SLC2A9: variants seen among roughly 807,000 people sequenced by gnomAD.
SLC2A9 encodes the protein solute carrier family 2 member 9.
A neutral mutation model predicts 50.6 loss-of-function variants in SLC2A9; 39 were observed. The observed-to-expected ratio is 0.77, with a 90% CI of 0.60 to 1.01. SLC2A9 has a LOEUF of 1.01. SLC2A9 is among the 50% of genes least tolerant of loss of function. SLC2A9 has a pLI of 0.00. For missense variants in SLC2A9, 686 were observed against 677.6 expected (o/e 1.01, Z -0.14); for synonymous variants, 324 against 276.9 (o/e 1.17, Z -1.69).
intron 11 of SLC2A9, among the ~76,000 whole-genome samples, chr4:9,828,121 A>G (rs984221444): frequency 6.6e-6 from 1 of 152,092 alleles, no homozygotes; most frequent in Admixed American, 6.5e-5. Context: ...TGGCACCTCC[A>G]TCCTTCTGAT....
In SLC2A9 at chr4:9,981,444, C is replaced by T. The variant is rs116741664; in HGVS notation, c.536-707G>A. On this transcript the variant is annotated intron_variant, in intron 4 of 11. Coordinates refer to ENST00000264784, the MANE Select transcript of SLC2A9 (RefSeq NM_020041.3). ...CTTCTCATCTCTTTATATGTATTAACGTTATTTACTTTTAACAATAGTCTT... is the reference window on the plus strand; with the variant it reads ...CTTCTCATCTCTTTATATGTATTAATGTTATTTACTTTTAACAATAGTCTT... 9.5e-3 allele frequency among the ~76,000 whole-genome samples: 1,443 copies of T among 152,116 alleles called. 28 individuals are homozygous for T. Among genetic ancestry groups the T allele is most frequent in the African/African-American group, 0.034 (1,390 of 41,474 alleles).
intron 3 of SLC2A9, among the ~76,000 whole-genome samples, chr4:9,817,832 T>A (rs556818693): frequency 6.6e-6 from 1 of 152,158 alleles, no homozygotes; most frequent in Non-Finnish European, 1.5e-5. Flanking sequence ...GGTGACTCCA[T>A]CCTGTTCTGC....
At chr4:9,997,056 C>G in intron 2 of SLC2A9, 115 bp from the exon 3 acceptor site, 1 of 1,255,710 alleles carries the variant, frequency 8.0e-7, no homozygotes, top group Non-Finnish European at 1.2e-6. Context: ...TAGCACTTTG[C>G]TAATTTGTTT....
At chr4:9,912,982 T>C (rs1339807265) in intron 7 of SLC2A9, among the ~76,000 whole-genome samples, 2 of 152,336 alleles carry the variant, frequency 1.3e-5, no homozygotes, top group African/African-American at 4.8e-5. Context: ...GAAAATGCCA[T>C]GCTGCTGACT....
intron 5 of SLC2A9, among the ~76,000 whole-genome samples, chr4:9,976,942 G>C (rs992344191): frequency 6.6e-6 from 1 of 152,066 alleles, no homozygotes; most frequent in African/African-American, 2.4e-5. Flanking sequence ...ATTCTATCTG[G>C]CTGATGTGCC....
intron 7 of SLC2A9, among the ~76,000 whole-genome samples, chr4:9,908,817 G>A (rs11734893): frequency 0.4 from 60,812 of 152,048 alleles, 14,190 homozygotes; most frequent in Non-Finnish European, 0.52. Flanking sequence ...CAGCGAGATA[G>A]AAACAGTAAT....
At chr4:9,792,555 G>A (rs1176752859) in intron 3 of SLC2A9, among the ~76,000 whole-genome samples, 1 of 150,100 alleles carries the variant, frequency 6.7e-6, no homozygotes. Context: ...TTTGTATAGA[G>A]TGAGTAATTA....
intron 10 of SLC2A9, among the ~76,000 whole-genome samples, chr4:9,882,284 C>T (rs1735345124): frequency 6.6e-6 from 1 of 152,104 alleles, no homozygotes; most frequent in South Asian, 2.1e-4. Flanking sequence ...TAGGCCATTT[C>T]TCCTTGGAAT....
rs527672751 is a variant in SLC2A9, at chr4:10,012,323, C to T, written c.249+6652G>A. Reference sequence around the variant, plus strand: ...AGAAGTTTTCCATAGGACAGACTCACAGCTGGCAATTTGTTTGAGAGTGAA... The same window carrying T: ...AGAAGTTTTCCATAGGACAGACTCATAGCTGGCAATTTGTTTGAGAGTGAA... On this transcript the variant is annotated intron_variant, in intron 2 of 11. Transcript: ENST00000264784. Among the ~76,000 whole-genome samples the T allele has an allele frequency of 2.2e-4, 33 of 152,350 alleles. No individual in the cohort carries two copies. In the South Asian group the frequency reaches 6.6e-3, roughly 31 times the overall value.
intron 3 of SLC2A9, among the ~76,000 whole-genome samples, chr4:9,819,517 C>T (rs1275587514): frequency 2.0e-5 from 3 of 152,188 alleles, no homozygotes; most frequent in Non-Finnish European, 4.4e-5. Context: ...GTTGTTTTCT[C>T]ATTGTTGAGT....
intron 8 of SLC2A9, among the ~76,000 whole-genome samples, chr4:9,894,052 C>T (rs898551908): frequency 3.3e-5 from 5 of 152,176 alleles, no homozygotes; most frequent in Non-Finnish European, 7.3e-5. Flanking sequence ...CAGTTGCAAA[C>T]GTCCACACCC....
At chr4:9,844,983 T>C (rs1044551934) in intron 10 of SLC2A9, among the ~76,000 whole-genome samples, 2 of 152,212 alleles carry the variant, frequency 1.3e-5, no homozygotes, top group African/African-American at 4.8e-5. Context: ...TCCTCTCTAT[T>C]TTCTAACTCT....
intron 8 of SLC2A9, among the ~76,000 whole-genome samples, chr4:9,897,812 C>T (rs1463250868): frequency 6.6e-6 from 1 of 152,204 alleles, no homozygotes; most frequent in Middle Eastern, 3.4e-3. Flanking sequence ...GAGGTTGAAT[C>T]GCTGGAACTG....
chr4:9,954,100 C>T (rs1424474744), intron 5 of SLC2A9, among the ~76,000 whole-genome samples: 5 of 152,086 alleles, frequency 3.3e-5, no homozygotes, highest in African/African-American at 1.2e-4. Flanking sequence ...TGAGCCACTG[C>T]GCCCAGCCCT....
upstream of SLC2A9, among the ~76,000 whole-genome samples, chr4:10,022,004 G>A (rs922659886): frequency 6.6e-6 from 1 of 151,974 alleles, no homozygotes; most frequent in Non-Finnish European, 1.5e-5. Flanking sequence ...ACGCCTGGCT[G>A]ATTTTTGTAT....
intron 9 of SLC2A9, among the ~76,000 whole-genome samples, chr4:9,888,018 C>T (rs915460471): frequency 2.0e-5 from 3 of 150,848 alleles, no homozygotes; most frequent in Non-Finnish European, 4.4e-5. Context: ...GACACAAGAA[C>T]CGAAAACCAA....
intron 5 of SLC2A9, among the ~76,000 whole-genome samples, chr4:9,979,472 C>A (rs1755341562): frequency 6.6e-6 from 1 of 152,090 alleles, no homozygotes; most frequent in Non-Finnish European, 1.5e-5. Context: ...TCCTGCCCTG[C>A]CTGTGTGAGT....
chr4:10,025,786 C>T, upstream of SLC2A9: 1 of 960,326 alleles, frequency 1.0e-6, no homozygotes, highest in Non-Finnish European at 1.6e-6. Context: ...CTGCTGCTCA[C>T]TCTTTTCTCT....
chr4:9,920,634 T>C, intron 6 of SLC2A9, 62 bp from the exon 7 acceptor site: 6 of 1,602,934 alleles, frequency 3.7e-6, no homozygotes, highest in Non-Finnish European at 5.1e-6. Flanking sequence ...TGTCTAATGC[T>C]GGGCCCTGCA....
Sources: allele counts gnomAD v4.1 joint callset (sites outside exome capture counted in the v4.1 genomes callset), GRCh38; gene constraint gnomAD v4.1.1; transcripts MANE v1.5; gene names NCBI Gene and HGNC (gene_info 2026-07-23, HGNC 2026-07-21).